The following DNTT variants were observed in gnomAD, a reference collection of about 807,000 sequenced individuals.
DNTT encodes the protein DNA nucleotidylexotransferase.
In DNTT, 47 loss-of-function variants were observed where a neutral mutation model predicts 60.9. That is an observed-to-expected ratio of 0.77 (90% CI 0.61 to 0.98). The LOEUF is 0.98. Among genes scored for constraint, DNTT ranks in the 50% least tolerant of loss-of-function variants. The pLI is 0.00. For missense variants in DNTT, 665 were observed against 627.5 expected (o/e 1.06, Z -0.64); for synonymous variants, 224 against 221.2 (o/e 1.01, Z -0.11).
chr10:96,335,491 C>T (rs1845056702), intron 9 of DNTT, among the ~76,000 whole-genome samples: 1 of 152,220 alleles, frequency 6.6e-6, no homozygotes, highest in Admixed American at 6.5e-5. Flanking sequence ...CTGACTCCTC[C>T]ATCCTCTTTT....
intron 8 of DNTT, among the ~76,000 whole-genome samples, chr10:96,330,003 T>C (rs535428605): frequency 1.3e-5 from 2 of 152,152 alleles, no homozygotes; most frequent in African/African-American, 4.8e-5. Context: ...CAGTGTCCAG[T>C]AGGAAAAATA....
rs756825413 is a variant in DNTT at position 96,319,293 on chromosome 10, C to A, written c.410C>A (p.Pro137Gln). ...VRRDYSDSTN[P>Q]GPPKTPPIAV... ...AGAGACTATTCAGATAGCACCAACC[C>A]AGGCCCCCCGAAGACTCCACCAATT... Residue 137 changes from proline (P) to glutamine (Q), a missense_variant, in exon 3 of 11, where the codon CCA becomes CAA. By Grantham distance (76) the Pro-to-Gln change is moderately conservative. Transcript: ENST00000371174. 6.2e-7 allele frequency: 1 copy of A among 1,613,722 alleles called. No individual in the cohort carries two copies. The highest frequency in any genetic ancestry group is 8.5e-7 in the Non-Finnish European group (1 of 1,179,736).
chr10:96,313,323 G>A (rs996102835), intron 1 of DNTT, among the ~76,000 whole-genome samples: 3 of 152,108 alleles, frequency 2.0e-5, no homozygotes, highest in African/African-American at 2.4e-5. Flanking sequence ...TGTGGGCAAG[G>A]CAGAAACAAC....
Position 96,319,273 on chromosome 10 carries a change from C to CTAT in DNTT, c.392_394dup (p.Tyr131dup), listed in dbSNP as rs763514233. The CTAT allele has an allele frequency of 1.9e-6, 3 of 1,613,508 alleles. No homozygotes were observed. Among genetic ancestry groups the CTAT allele is most frequent in the Non-Finnish European group, 2.5e-6 (3 of 1,179,728 alleles). On this transcript the variant is annotated inframe_insertion, in exon 3 of 11. Coordinates refer to ENST00000371174, the MANE Select transcript of DNTT (RefSeq NM_004088.4). ...ATGCATTTGTTTAGGTGAGAAGAGA[C>CTAT]TATTCAGATAGCACCAACCCAGGCC...
chr10:96,315,540 A>G (rs1364182202), intron 1 of DNTT, among the ~76,000 whole-genome samples: 1 of 152,012 alleles, frequency 6.6e-6, no homozygotes. Context: ...GTTTGTATTA[A>G]TTAAGAAATG....
At position 96,338,283 on chromosome 10, in the gene DNTT, AT is replaced by A; in HGVS notation, c.*61del. On this transcript the variant is annotated 3_prime_UTR_variant, in exon 11 of 11. Transcript: ENST00000371174. The stretch of plus-strand genomic sequence containing the variant: ...TCAAGTTAAATAAATTATGCTTCAT[AT>A]TAGTAAAAGATGCCATAGGAGAGTT... 2.0e-6 allele frequency: 3 copies of A among 1,513,026 alleles called. No homozygotes were observed. Among genetic ancestry groups the A allele is most frequent in the South Asian group, 1.2e-5 (1 of 83,212 alleles). The allele number at this position is 1,513,026 out of a possible 1,614,324, so 93.7% of individuals were successfully genotyped here. A position where few individuals can be genotyped will look rare whatever the true frequency, so the allele number is the denominator to read the frequency against.
chr10:96,335,596 G>A (rs569329187), intron 9 of DNTT, among the ~76,000 whole-genome samples: 28 of 152,166 alleles, frequency 1.8e-4, no homozygotes, highest in Non-Finnish European at 4.0e-4. Context: ...GAACGCTCAC[G>A]CTATTCATTT....
chr10:96,328,893 C>T (rs1844972124), intron 8 of DNTT, 63 bp downstream of exon 8: 1 of 1,476,226 alleles, frequency 6.8e-7, no homozygotes, highest in Non-Finnish European at 9.3e-7. Flanking sequence ...GAATTTTGCA[C>T]ATTACTTGCC....
chr10:96,330,018 A>C (rs1844987808), intron 8 of DNTT, among the ~76,000 whole-genome samples: 1 of 152,190 alleles, frequency 6.6e-6, no homozygotes, highest in Non-Finnish European at 1.5e-5. Flanking sequence ...AAAATAAAAG[A>C]ACATGCTGAT....
intron 7 of DNTT, 94 bp downstream of exon 7, chr10:96,327,694 T>C: frequency 6.6e-7 from 1 of 1,516,834 alleles, no homozygotes; most frequent in Non-Finnish European, 8.8e-7. Context: ...AAGGCTGTGA[T>C]CTGGTGCCAG....
In DNTT at chr10:96,304,548, G is replaced by A. The variant is rs1321283178; in HGVS notation, c.51G>A (p.Arg17=). The A allele has an allele frequency of 6.2e-7, 1 of 1,614,106 alleles. No individual in the cohort carries two copies. Among genetic ancestry groups the A allele is most frequent in the Non-Finnish European group, 8.5e-7 (1 of 1,180,010 alleles). Residue 17 remains arginine, a synonymous_variant, in exon 1 of 11, where the codon CGG becomes CGA. Coordinates refer to ENST00000371174, the MANE Select transcript of DNTT (RefSeq NM_004088.4). ...TGAGCCCTCGGAAGAAGAGACCCCG[G>A]CAGACGGGTGCCTTGATGGCCTCCT... ...SHLSPRKKRP[R]QTGALMASSP...
chr10:96,323,711 G>A (rs995825124), intron 5 of DNTT, among the ~76,000 whole-genome samples: 7 of 152,160 alleles, frequency 4.6e-5, no homozygotes, highest in African/African-American at 1.7e-4. Flanking sequence ...GTTGCAGGTG[G>A]AAGGGACTTC....
chr10:96,325,563 C>A (rs1844929738), intron 6 of DNTT, among the ~76,000 whole-genome samples: 1 of 152,330 alleles, frequency 6.6e-6, no homozygotes, highest in Admixed American at 6.5e-5. Context: ...TTCCAATTCC[C>A]TAGCTTTGTA....
At chr10:96,316,408 T>C (rs190204609) in intron 1 of DNTT, among the ~76,000 whole-genome samples, 11 of 152,298 alleles carry the variant, frequency 7.2e-5, no homozygotes, top group Admixed American at 2.0e-4. Context: ...AATCACTGTA[T>C]GTACCAGACT....
Position 96,320,677 on chromosome 10 carries a change from G to C in DNTT, c.567G>C (p.Val189=). The C allele has an allele frequency of 1.9e-6, 3 of 1,613,866 alleles. No homozygotes were observed. The highest frequency in any genetic ancestry group is 2.5e-6 in the Non-Finnish European group (3 of 1,179,834). The change falls in exon 4 of 11, where the codon GTG becomes GTC. Residue 189 remains valine, a synonymous_variant. Coordinates refer to ENST00000371174, the MANE Select transcript of DNTT (RefSeq NM_004088.4). ...TTAGAGAAAATGAAGACTCCTGTGTGACATTTATGAGAGCAGCTTCTGTAT... is the reference window on the plus strand; with the variant it reads ...TTAGAGAAAATGAAGACTCCTGTGTCACATTTATGAGAGCAGCTTCTGTAT... ...CEFRENEDSC[V]TFMRAASVLK...
chr10:96,332,287 C>T (rs1011354491), intron 8 of DNTT, 64 bp from the exon 9 acceptor site: 2 of 1,566,948 alleles, frequency 1.3e-6, no homozygotes, highest in Non-Finnish European at 8.6e-7. Context: ...ATTAAGAATC[C>T]AGTGTTAAAT....
At chr10:96,317,725 T>G (rs1416647612) in intron 1 of DNTT, among the ~76,000 whole-genome samples, 1 of 152,190 alleles carries the variant, frequency 6.6e-6, no homozygotes, top group Non-Finnish European at 1.5e-5. Context: ...CTATGAAGAA[T>G]GGGCCTTCAC....
At chr10:96,324,123 A>C in intron 5 of DNTT, 143 bp from the exon 6 acceptor site, 1 of 1,105,344 alleles carries the variant, frequency 9.0e-7, no homozygotes, top group Non-Finnish European at 1.3e-6. Flanking sequence ...ACCATCACCC[A>C]CCTGCTCGTT....
At position 96,318,652 on chromosome 10, in the gene DNTT, A is replaced by G. The variant is rs1296079686; in HGVS notation, c.378+126A>G. On this transcript the variant is annotated intron_variant, in intron 2 of 10. Coordinates refer to ENST00000371174, the MANE Select transcript of DNTT (RefSeq NM_004088.4). Reference sequence around the variant, plus strand: ...CTACCTGTGTGACCTTGGGCAAGTCACTTAGCTTTACTGAGCTTCAGTCTC... The same window carrying G: ...CTACCTGTGTGACCTTGGGCAAGTCGCTTAGCTTTACTGAGCTTCAGTCTC... The G allele has an allele frequency of 3.7e-6, 4 of 1,080,804 alleles. No homozygotes were observed. In the East Asian group the frequency reaches 1.0e-4, roughly 28 times the overall value. The allele number at this position is 1,080,804 out of a possible 1,614,324, so 67.0% of individuals were successfully genotyped here.
Sources: gnomAD v4.1 joint callset for allele counts (sites outside exome capture counted in the v4.1 genomes callset) on GRCh38, gnomAD v4.1.1 for gene constraint, MANE v1.5 for transcripts, NCBI Gene and HGNC (gene_info 2026-07-23, HGNC 2026-07-21) for gene names.